COL4A3: variants seen among roughly 807,000 people sequenced by gnomAD.
COL4A3 encodes collagen alpha-3(IV) chain.
In COL4A3, 135 loss-of-function variants were observed where a neutral mutation model predicts 217.4. The ratio of observed to expected loss-of-function variants is 0.62; its 90% CI spans 0.54 to 0.72. The LOEUF (loss-of-function observed/expected upper bound fraction) is 0.72, where lower values mean the gene tolerates loss of function less well. Ranked by LOEUF, COL4A3 falls within the 30% of genes least tolerant of loss-of-function variation. COL4A3 has a pLI of 0.00. For synonymous variants in COL4A3, 690 were observed against 736.3 expected (o/e 0.94, Z 1.02); for missense variants, 1,868 against 2,119.9 (o/e 0.88, Z 2.33).
intron 1 of COL4A3, among the ~76,000 whole-genome samples, chr2:227,200,688 C>T (rs930304634): frequency 1.3e-5 from 2 of 152,170 alleles, no homozygotes; most frequent in African/African-American, 2.4e-5. Context: ...ATTCTAGAAA[C>T]TTATGCACAG....
intron 1 of COL4A3, among the ~76,000 whole-genome samples, chr2:227,236,009 G>A (rs2068676235): frequency 7.4e-6 from 1 of 135,576 alleles, no homozygotes. Flanking sequence ...CCTGACCTCA[G>A]GTGATCCGCC....
At chr2:227,228,277 G>T (rs1396998158) in intron 1 of COL4A3, among the ~76,000 whole-genome samples, 1 of 152,252 alleles carries the variant, frequency 6.6e-6, no homozygotes, top group Admixed American at 6.5e-5. Context: ...TCACTGGAGG[G>T]CATGGTGCCA....
intron 28 of COL4A3, 195 bp from the exon 29 acceptor site, chr2:227,279,596 GAA>G: frequency 1.8e-6 from 1 of 567,494 alleles, no homozygotes; most frequent in South Asian, 2.4e-5. Context: ...ACAAAATAGA[GAA>G]AGTTATTTTT....
In COL4A3 at chr2:227,279,825, C is replaced by T. The variant is rs1360158992; in HGVS notation, c.2158C>T (p.Leu720=). The change falls in exon 29 of 52, where the codon CTG becomes TTG. Residue 720 remains leucine, a synonymous_variant. Coordinates refer to ENST00000396578, the MANE Select transcript of COL4A3 (RefSeq NM_000091.5). ...DQGFPGTKGS[L]GCPGKMGEPG... ...AGGTTTTCCAGGTACAAAAGGATCA[C>T]TGGGTTGTCCTGGAAAAATGGGAGA... 3 of 1,610,300 alleles carry T rather than the reference C, an allele frequency of 1.9e-6. No homozygotes were observed. The highest frequency in any genetic ancestry group is 1.3e-5 in the African/African-American group (1 of 74,870).
chr2:227,301,605 A>T (rs2073289891), intron 43 of COL4A3, among the ~76,000 whole-genome samples: 1 of 152,212 alleles, frequency 6.6e-6, no homozygotes, highest in African/African-American at 2.4e-5. Flanking sequence ...GGACACTGGG[A>T]TATATAAAGC....
At chr2:227,305,998 TTAATA>T (rs761776180) in intron 47 of COL4A3, among the ~76,000 whole-genome samples, 13 of 152,348 alleles carry the variant, frequency 8.5e-5, no homozygotes, top group Admixed American at 2.0e-4. Context: ...AAATATGATG[TTAATA>T]TAATACTAAT....
In COL4A3 at chr2:227,287,648, T is replaced by C. The variant is rs185902634; in HGVS notation, c.2882-1502T>C. Among the ~76,000 whole-genome samples, 38 of 152,356 alleles carry C rather than the reference T, an allele frequency of 2.5e-4. No individual in the cohort carries two copies. In the East Asian group the frequency reaches 6.7e-3, roughly 27 times the overall value. On this transcript the variant is annotated intron_variant, in intron 34 of 51. Coordinates refer to ENST00000396578, the MANE Select transcript of COL4A3 (RefSeq NM_000091.5). ...AACTCCCTGATACTCATCACTCCTT[T>C]CTACATGCTATTTTACTCTCTGGGA... is the stretch of plus-strand genomic sequence containing the variant.
intron 3 of COL4A3, among the ~76,000 whole-genome samples, chr2:227,240,699 T>C (rs576790412): frequency 4.7e-4 from 71 of 152,216 alleles, no homozygotes; most frequent in Non-Finnish European, 8.8e-4. Flanking sequence ...ATACAAAACT[T>C]CCTCTCCATC....
At position 227,312,994 on chromosome 2, in the gene COL4A3, T is replaced by C. The variant is rs1482917633; in HGVS notation, c.*1124T>C. On this transcript the variant is annotated 3_prime_UTR_variant, in exon 52 of 52. Transcript: ENST00000396578. ...TTACAAACCATACTGAAAGAGTCCATTGTTTAAAAATCTTAATGTATCAAA... is the reference window on the plus strand; with the variant it reads ...TTACAAACCATACTGAAAGAGTCCACTGTTTAAAAATCTTAATGTATCAAA... The C allele has an allele frequency of 6.6e-6, 1 of 152,564 alleles. No individual in the cohort carries two copies. The highest frequency in any genetic ancestry group is 6.5e-5 in the Admixed American group (1 of 15,270). 9.5% of individuals were successfully genotyped at this position (152,564 alleles called of 1,614,324 possible).
chr2:227,164,676 T>C lies in COL4A3; in HGVS notation c.-51T>C. 12 of 1,528,842 alleles carry C rather than the reference T, an allele frequency of 7.8e-6. No homozygotes were observed. The highest frequency in any genetic ancestry group is 9.6e-6 in the Non-Finnish European group (11 of 1,144,304). The allele number at this position is 1,528,842 out of a possible 1,614,324, so 94.7% of individuals were successfully genotyped here. On this transcript the variant is annotated 5_prime_UTR_variant, in exon 1 of 52. Coordinates refer to ENST00000396578, the MANE Select transcript of COL4A3 (RefSeq NM_000091.5). The surrounding 1 kb of genome is among the most constrained non-coding windows in gnomAD (Gnocchi z 4.8). ...GCGCTGCGCAGGAGACGCGGTGGCC[T>C]GAGAGCCTGAGGGTCCCCGGACTCG...
intron 1 of COL4A3, among the ~76,000 whole-genome samples, chr2:227,172,787 A>G (rs1320064616): frequency 2.0e-5 from 3 of 151,768 alleles, no homozygotes; most frequent in Non-Finnish European, 2.9e-5. Context: ...GGGTTTCACC[A>G]TGTTGGCCAG....
chr2:227,277,354 G>A, intron 27 of COL4A3, 95 bp from the exon 28 acceptor site: 1 of 807,512 alleles, frequency 1.2e-6, no homozygotes, highest in Non-Finnish European at 2.1e-6. Flanking sequence ...TGTGCAAAAG[G>A]GATAGGACGA....
At chr2:227,301,135 G>T (rs1211217130) in intron 43 of COL4A3, among the ~76,000 whole-genome samples, 1 of 152,152 alleles carries the variant, frequency 6.6e-6, no homozygotes. Flanking sequence ...CCCAGAGTTT[G>T]CTCTCTACCA....
intron 1 of COL4A3, chr2:227,222,285 C>T (rs1357379271): frequency 6.6e-6 from 1 of 152,126 alleles, no homozygotes; most frequent in South Asian, 2.1e-4. Context: ...TGCACATTTT[C>T]CTTTTCTGGC....
At chr2:227,208,515 C>T (rs1045737740) in intron 1 of COL4A3, among the ~76,000 whole-genome samples, 1 of 152,054 alleles carries the variant, frequency 6.6e-6, no homozygotes, top group Non-Finnish European at 1.5e-5. Context: ...AACCTAACTC[C>T]GACCCATGAA....
chr2:227,238,170 T>C (rs1264319236), intron 2 of COL4A3, 146 bp downstream of exon 2: 2 of 522,830 alleles, frequency 3.8e-6, no homozygotes, highest in Non-Finnish European at 6.7e-6. Flanking sequence ...TATATAAACA[T>C]TAACCTAAAA....
intron 43 of COL4A3, 34 bp from the exon 44 acceptor site, chr2:227,303,004 T>G (rs898163077): frequency 6.9e-7 from 1 of 1,450,868 alleles, no homozygotes. Flanking sequence ...TTTAAAAATT[T>G]GTTTTGGTTC....
chr2:227,281,417 A>G (rs2071956937), intron 31 of COL4A3, among the ~76,000 whole-genome samples: 1 of 152,224 alleles, frequency 6.6e-6, no homozygotes, highest in Non-Finnish European at 1.5e-5. Context: ...CAGTTTAAAA[A>G]CTTATAAACT....
chr2:227,309,254 C>T lies in COL4A3; in HGVS notation c.4691C>T (p.Thr1564Ile), dbSNP rs886055743. The change falls in exon 50 of 52, where the codon ACC (threonine) becomes ATC (isoleucine). Residue 1564 changes from threonine (T) to isoleucine (I), a missense_variant. Coordinates refer to ENST00000396578, the MANE Select transcript of COL4A3 (RefSeq NM_000091.5). ...PAIAIAVHSQTTDIPPCPHGW... is the reference protein window; with the variant it reads ...PAIAIAVHSQITDIPPCPHGW... ...ATCGCCATAGCCGTTCACAGCCAAA[C>T]CACTGACATTCCTCCATGTCCTCAC... 6.2e-7 allele frequency: 1 copy of T among 1,614,202 alleles called. No homozygotes were observed.
Sources: allele counts gnomAD v4.1 joint callset (sites outside exome capture counted in the v4.1 genomes callset), GRCh38; gene constraint gnomAD v4.1.1; non-coding constraint Gnocchi (gnomAD v3.1); transcripts MANE v1.5; gene names NCBI Gene and HGNC (gene_info 2026-07-23, HGNC 2026-07-21).